The following DOCK1 variants were observed in gnomAD, a reference collection of about 807,000 sequenced individuals.
DOCK1 encodes the protein dedicator of cytokinesis 1, also known as dedicator of cytokinesis protein 1.
In DOCK1, 138 loss-of-function variants were observed where a neutral mutation model predicts 262.7. That is an observed-to-expected ratio of 0.53 (90% CI 0.46 to 0.61). DOCK1 has a LOEUF of 0.61. DOCK1 is among the 20% of genes least tolerant of loss of function. The pLI is 0.00. For synonymous variants in DOCK1, 866 were observed against 867.4 expected, an observed-to-expected ratio of 1.00 and a Z score of 0.03; for missense variants, 1,908 against 2,370.7, an observed-to-expected ratio of 0.80 and a Z score of 4.05.
At chr10:127,072,766 C>G (rs1488277846) in intron 23 of DOCK1, among the ~76,000 whole-genome samples, 1 of 152,130 alleles carries the variant, frequency 6.6e-6, no homozygotes, top group African/African-American at 2.4e-5. Flanking sequence ...TAGGATCCTC[C>G]CAGCACTGCC....
At chr10:127,428,091 C>G (rs1419917191) in intron 47 of DOCK1, among the ~76,000 whole-genome samples, 1 of 152,242 alleles carries the variant, frequency 6.6e-6, no homozygotes, top group Non-Finnish European at 1.5e-5. Context: ...CAACTCATTA[C>G]AGTCAGAGCT....
At chr10:126,983,158 C>T (rs937096665) in intron 4 of DOCK1, among the ~76,000 whole-genome samples, 1 of 152,184 alleles carries the variant, frequency 6.6e-6, no homozygotes, top group Non-Finnish European at 1.5e-5. Context: ...GTGAAATGAA[C>T]AGTTTAGAAA....
At chr10:127,310,260 A>G (rs1480312405) in intron 29 of DOCK1, among the ~76,000 whole-genome samples, 2 of 113,992 alleles carry the variant, frequency 1.8e-5, no homozygotes, top group Non-Finnish European at 3.6e-5. Context: ...CCATACCCCC[A>G]CCCCACCCCC....
chr10:127,440,571 G>A (rs1015533534), intron 49 of DOCK1, among the ~76,000 whole-genome samples: 1 of 152,212 alleles, frequency 6.6e-6, no homozygotes, highest in Non-Finnish European at 1.5e-5. Flanking sequence ...GGCGGGCTGT[G>A]ATTAGAGGGT....
chr10:127,125,715 C>T (rs2049909796), intron 26 of DOCK1, 114 bp downstream of exon 26: 5 of 1,383,798 alleles, frequency 3.6e-6, no homozygotes, highest in Non-Finnish European at 2.8e-6. Flanking sequence ...GGTCTAGCCT[C>T]TCTTTTTGTC....
In DOCK1 at chr10:127,175,912, A is replaced by G. The variant is rs200216671; in HGVS notation, c.2847+48148A>G. ...GTCTTGTGCACCCGCCCCGCGCCACATGGCCGGGCCTCCTCCATGGGTCCA... is the reference window on the plus strand; with the variant it reads ...GTCTTGTGCACCCGCCCCGCGCCACGTGGCCGGGCCTCCTCCATGGGTCCA... On this transcript the variant is annotated intron_variant, in intron 27 of 51. Coordinates refer to ENST00000623213, the MANE Select transcript of DOCK1 (RefSeq NM_001290223.2). The surrounding 1 kb of genome is among the most constrained non-coding windows in gnomAD (Gnocchi z 6.3). 10 of 1,614,158 alleles carry G rather than the reference A, an allele frequency of 6.2e-6. No individual in the cohort carries two copies. Among genetic ancestry groups the G allele is most frequent in the South Asian group, 1.1e-5 (1 of 91,082 alleles).
At chr10:127,006,937 G>A (rs528659407) in intron 10 of DOCK1, among the ~76,000 whole-genome samples, 43 of 152,272 alleles carry the variant, frequency 2.8e-4, no homozygotes, top group African/African-American at 1.0e-3. Flanking sequence ...GCCTAAATGA[G>A]TTTATTGAAG....
intron 4 of DOCK1, among the ~76,000 whole-genome samples, chr10:126,982,930 G>A (rs991772149): frequency 6.6e-6 from 1 of 152,210 alleles, no homozygotes; most frequent in African/African-American, 2.4e-5. Flanking sequence ...ATACAGGGCA[G>A]ACTGTGTATG....
chr10:127,337,757 C>G (rs939149967), intron 29 of DOCK1, among the ~76,000 whole-genome samples: 1 of 152,238 alleles, frequency 6.6e-6, no homozygotes, highest in African/African-American at 2.4e-5. Flanking sequence ...ATTGCAAACT[C>G]TGTCACAGGC....
intron 29 of DOCK1, among the ~76,000 whole-genome samples, chr10:127,305,977 G>A (rs562029139): frequency 6.6e-6 from 1 of 151,196 alleles, no homozygotes; most frequent in African/African-American, 2.4e-5. Flanking sequence ...GGTTTTATAT[G>A]GTTAGCTCAA....
rs1041370782 is a variant in DOCK1 at position 127,451,292 on chromosome 10, A to G, written c.5566-40A>G. ...GAGACGGTGTCTTTTCTGTCAGGAC[A>G]TCAGTTATGTGACATCTTCCCCATC... is the stretch of plus-strand genomic sequence containing the variant. On this transcript the variant is annotated intron_variant, in intron 51 of 51. Transcript: ENST00000623213. The G allele has an allele frequency of 9.6e-6, 15 of 1,557,916 alleles. No homozygotes were observed. In the African/African-American group the frequency reaches 1.8e-4, roughly 18 times the overall value.
chr10:127,215,127 C>T (rs2058148942), intron 27 of DOCK1, among the ~76,000 whole-genome samples: 1 of 152,128 alleles, frequency 6.6e-6, no homozygotes, highest in African/African-American at 2.4e-5. Flanking sequence ...CTTCCTGCCT[C>T]GCTATCAGCC....
At chr10:127,108,975 C>T (rs2048707218) in intron 24 of DOCK1, among the ~76,000 whole-genome samples, 1 of 152,074 alleles carries the variant, frequency 6.6e-6, no homozygotes. Flanking sequence ...TACCTGATGG[C>T]TGTTGAGTTG....
intron 27 of DOCK1, among the ~76,000 whole-genome samples, chr10:127,159,286 A>G (rs1589695187): frequency 6.6e-6 from 1 of 152,116 alleles, no homozygotes; most frequent in African/African-American, 2.4e-5. Flanking sequence ...GGCTTACAGA[A>G]CACAGCGTGG....
chr10:127,342,101 C>T (rs569004866), intron 30 of DOCK1, among the ~76,000 whole-genome samples: 2 of 108,708 alleles, frequency 1.8e-5, no homozygotes, highest in East Asian at 6.8e-4. Context: ...GTTGTTGCTG[C>T]TGCTGCTGCT....
chr10:127,244,953 T>G (rs1199879016), intron 27 of DOCK1, among the ~76,000 whole-genome samples: 1 of 152,184 alleles, frequency 6.6e-6, no homozygotes, highest in African/African-American at 2.4e-5. Context: ...GAATAGTAAT[T>G]TTCTTCTGAG....
intron 31 of DOCK1, among the ~76,000 whole-genome samples, chr10:127,354,136 G>A (rs575245222): frequency 1.3e-5 from 2 of 152,044 alleles, no homozygotes; most frequent in Non-Finnish European, 2.9e-5. Context: ...AGGAAAATTA[G>A]CATTTATTTT....
intron 29 of DOCK1, among the ~76,000 whole-genome samples, chr10:127,338,366 A>T (rs2063288609): frequency 6.6e-6 from 1 of 152,240 alleles, no homozygotes; most frequent in Admixed American, 6.5e-5. Flanking sequence ...ATATAAAGTC[A>T]TGGTATTATA....
At chr10:127,062,958 G>A (rs974115292) in intron 23 of DOCK1, among the ~76,000 whole-genome samples, 4 of 152,152 alleles carry the variant, frequency 2.6e-5, no homozygotes, top group Admixed American at 2.0e-4. Flanking sequence ...ACTCACATGA[G>A]GCCTGAGTGT....
Sources: allele counts gnomAD v4.1 joint callset (sites outside exome capture counted in the v4.1 genomes callset), GRCh38; gene constraint gnomAD v4.1.1; non-coding constraint Gnocchi (gnomAD v3.1); transcripts MANE v1.5; gene names NCBI Gene and HGNC (gene_info 2026-07-23, HGNC 2026-07-21).